EIF2B3: variants seen among roughly 807,000 people sequenced by gnomAD.
EIF2B3 encodes eukaryotic translation initiation factor 2B subunit gamma.
Under a neutral mutation model 54.1 loss-of-function variants are expected in EIF2B3, and 20 were observed. The ratio of observed to expected loss-of-function variants is 0.37; its 90% CI spans 0.26 to 0.54. EIF2B3 has a LOEUF of 0.54. Among genes scored for constraint, EIF2B3 ranks in the 20% least tolerant of loss-of-function variants. The probability of loss-of-function intolerance (pLI) is 0.86; values close to 1 mark genes in which losing one functional copy is unlikely to be tolerated. For synonymous variants in EIF2B3, 153 were observed against 188.1 expected, an observed-to-expected ratio of 0.81 and a Z score of 1.52; for missense variants, 448 against 547.8, an observed-to-expected ratio of 0.82 and a Z score of 1.82.
At chr1:44,972,988 C>T (rs920284415) in intron 3 of EIF2B3, among the ~76,000 whole-genome samples, 1 of 152,092 alleles carries the variant, frequency 6.6e-6, no homozygotes, top group African/African-American at 2.4e-5. Flanking sequence ...CTGCAGTGAG[C>T]CATGATTGCG....
chr1:44,957,615 GCT>G (rs1644241512), intron 3 of EIF2B3, among the ~76,000 whole-genome samples: 1 of 152,092 alleles, frequency 6.6e-6, no homozygotes, highest in Admixed American at 6.6e-5. Flanking sequence ...ACAAAAATCA[GCT>G]GGGCGTGGTG....
At chr1:44,952,893 C>T (rs1644183178) in intron 3 of EIF2B3, among the ~76,000 whole-genome samples, 1 of 152,138 alleles carries the variant, frequency 6.6e-6, no homozygotes, top group Non-Finnish European at 1.5e-5. Flanking sequence ...ACTCGTGCAC[C>T]AGATCACAGT....
intron 5 of EIF2B3, among the ~76,000 whole-genome samples, chr1:44,922,572 G>A (rs1254794889): frequency 7.3e-6 from 1 of 137,864 alleles, no homozygotes; most frequent in African/African-American, 2.8e-5. Context: ...GGGATATAGA[G>A]CGAGACTCTG....
chr1:44,853,155 T>C (rs185589162), intron 11 of EIF2B3, among the ~76,000 whole-genome samples: 1 of 152,130 alleles, frequency 6.6e-6, no homozygotes, highest in East Asian at 1.9e-4. Context: ...TAAGAAGAGC[T>C]ATAGAAAACT....
chr1:44,934,456 CTTTATT>C (rs1643925474), intron 4 of EIF2B3, among the ~76,000 whole-genome samples: 1 of 151,708 alleles, frequency 6.6e-6, no homozygotes, highest in African/African-American at 2.4e-5. Flanking sequence ...TTTCAAGTCA[CTTTATT>C]TTTATTTTGT....
intron 4 of EIF2B3, among the ~76,000 whole-genome samples, chr1:44,939,802 G>A (rs1320266429): frequency 6.6e-6 from 1 of 151,888 alleles, no homozygotes; most frequent in Non-Finnish European, 1.5e-5. Flanking sequence ...ATGACAAGAA[G>A]AATAAGTTGA....
intron 3 of EIF2B3, among the ~76,000 whole-genome samples, chr1:44,952,788 G>A (rs1451778528): frequency 4.0e-5 from 6 of 151,824 alleles, no homozygotes; most frequent in Non-Finnish European, 7.4e-5. Context: ...TCCTTACCTC[G>A]TGATCCGCCC....
chr1:44,946,141 C>T (rs974730960), intron 3 of EIF2B3, among the ~76,000 whole-genome samples: 1 of 152,190 alleles, frequency 6.6e-6, no homozygotes, highest in African/African-American at 2.4e-5. Flanking sequence ...CCAAGGATCA[C>T]AAGGAACAGA....
At chr1:44,897,228 GAACT>G (rs1225747471) in intron 6 of EIF2B3, 123 bp downstream of exon 6, 7 of 705,308 alleles carry the variant, frequency 9.9e-6, no homozygotes, top group East Asian at 2.7e-5. Flanking sequence ...ACAAAAATGA[GAACT>G]AACTGTGCTA....
At chr1:44,886,362 T>A (rs1333910224) in intron 6 of EIF2B3, among the ~76,000 whole-genome samples, 1 of 152,160 alleles carries the variant, frequency 6.6e-6, no homozygotes, top group Non-Finnish European at 1.5e-5. Flanking sequence ...TTACAGGCGT[T>A]AGCCACTGTG....
At chr1:44,868,255 G>T (rs900925726) in intron 10 of EIF2B3, among the ~76,000 whole-genome samples, 3 of 151,744 alleles carry the variant, frequency 2.0e-5, no homozygotes, top group African/African-American at 7.3e-5. Flanking sequence ...AAAATTAGCT[G>T]GGCGTGGTGG....
At chr1:44,856,528 T>TAAAAAAAA (rs150728949) in intron 11 of EIF2B3, among the ~76,000 whole-genome samples, 1 of 102,386 alleles carries the variant, frequency 9.8e-6, no homozygotes. Flanking sequence ...AAATTAAAAT[T>TAAAAAAAA]AAAAAAAAAA....
At chr1:44,932,876 A>G (rs947091271) in intron 4 of EIF2B3, among the ~76,000 whole-genome samples, 1 of 152,236 alleles carries the variant, frequency 6.6e-6, no homozygotes, top group Non-Finnish European at 1.5e-5. Context: ...CAAAAGCTCA[A>G]AAATTTACTT....
intron 5 of EIF2B3, among the ~76,000 whole-genome samples, chr1:44,911,429 G>A (rs1643512428): frequency 6.6e-6 from 1 of 152,176 alleles, no homozygotes; most frequent in Non-Finnish European, 1.5e-5. Context: ...TCAAGGCCCT[G>A]AGCTTGACAT....
chr1:44,893,167 G>A (rs1056222127), intron 6 of EIF2B3, among the ~76,000 whole-genome samples: 1 of 152,130 alleles, frequency 6.6e-6, no homozygotes, highest in Non-Finnish European at 1.5e-5. Flanking sequence ...GGGCTCAAGT[G>A]GTCCTCCTGC....
chr1:44,895,522 C>CTA lies in EIF2B3; in HGVS notation c.656+1832_656+1833insTA, dbSNP rs1210597217. Among the ~76,000 whole-genome samples, 8 of 151,850 alleles carry CTA rather than the reference C, an allele frequency of 5.3e-5. No homozygotes were observed. The East Asian group carries it at 1.2e-3, about 22-fold the overall frequency. ...TTATTTAAAAAAAGCCTCTCTCTCT[C>CTA]TCTCTCTATATATATATATGTACAT... is the stretch of plus-strand genomic sequence containing the variant. On this transcript the variant is annotated intron_variant, in intron 6 of 11. Transcript: ENST00000360403.
intron 10 of EIF2B3, among the ~76,000 whole-genome samples, chr1:44,870,175 A>AG (rs1654918458): frequency 2.9e-5 from 3 of 102,414 alleles, no homozygotes; most frequent in African/African-American, 5.0e-5. Context: ...CCGTCTCAAA[A>AG]AAGAGAGAGA....
rs964993199 is a variant in EIF2B3 at position 44,958,695 on chromosome 1, A to G, written c.295-17030T>C. On this transcript the variant is annotated intron_variant, in intron 3 of 11. Coordinates refer to ENST00000360403, the MANE Select transcript of EIF2B3 (RefSeq NM_020365.5). ...TGGTGAGTTTAGTCGCTCACCAGCT[A>G]TCTGTGCTGCCTGAAACAGTACCCT... 1.1e-4 allele frequency: 181 copies of G among 1,597,852 alleles called. 2 individuals carry two copies. Among genetic ancestry groups the G allele is most frequent in the Middle Eastern group, 1.7e-4 (1 of 6,044 alleles).
chr1:44,857,257 C>T (rs1654461943), intron 11 of EIF2B3, among the ~76,000 whole-genome samples: 1 of 152,166 alleles, frequency 6.6e-6, no homozygotes, highest in Non-Finnish European at 1.5e-5. Context: ...ATGCCAGGTG[C>T]GGTGGCTTAC....
Sources: gnomAD v4.1 joint callset for allele counts (sites outside exome capture counted in the v4.1 genomes callset) on GRCh38, gnomAD v4.1.1 for gene constraint, MANE v1.5 for transcripts, NCBI Gene and HGNC (gene_info 2026-07-23, HGNC 2026-07-21) for gene names.